Variants in NKAIN1 observed in about 807,000 individuals in gnomAD.
The protein encoded by NKAIN1 is sodium/potassium transporting ATPase interacting 1, also known as sodium/potassium-transporting ATPase subunit beta-1-interacting protein 1.
Under a neutral mutation model 31.6 loss-of-function variants are expected in NKAIN1, and 13 were observed. That is an observed-to-expected ratio of 0.41 (90% CI 0.27 to 0.65). The LOEUF (loss-of-function observed/expected upper bound fraction) is 0.65, where lower values mean the gene tolerates loss of function less well. NKAIN1 is among the 30% of genes least tolerant of loss of function. The pLI is 0.30. For synonymous variants in NKAIN1, 104 were observed against 109.0 expected (o/e 0.95, Z 0.28); for missense variants, 193 against 262.2 (o/e 0.74, Z 1.82).
chr1:31,190,072 T>C (rs753750825), intron 1 of NKAIN1, among the ~76,000 whole-genome samples: 1 of 152,066 alleles, frequency 6.6e-6, no homozygotes, highest in South Asian at 2.1e-4. Context: ...CAACAAAGAG[T>C]CCTAACTACA....
intron 1 of NKAIN1, among the ~76,000 whole-genome samples, chr1:31,193,262 T>C (rs201260296): frequency 6.7e-6 from 1 of 149,714 alleles, no homozygotes. Context: ...TAGAGACGGG[T>C]TTTCACCATG....
intron 1 of NKAIN1, among the ~76,000 whole-genome samples, chr1:31,229,969 C>T (rs1001740878): frequency 6.6e-6 from 1 of 152,142 alleles, no homozygotes; most frequent in African/African-American, 2.4e-5. Context: ...CACGGCTCTC[C>T]CTGCATTATC....
chr1:31,205,200 G>A (rs4949359), intron 1 of NKAIN1, among the ~76,000 whole-genome samples: 108,006 of 151,824 alleles, frequency 0.71, 39,714 homozygotes, highest in Middle Eastern at 0.9. Flanking sequence ...GCTCGATCTC[G>A]GCTCACTGCA....
At chr1:31,200,526 G>C (rs936180753) in intron 1 of NKAIN1, among the ~76,000 whole-genome samples, 22 of 142,884 alleles carry the variant, frequency 1.5e-4, no homozygotes, top group African/African-American at 5.7e-4. Context: ...GGCATGATCC[G>C]GGCTCACTGC....
intron 3 of NKAIN1, 54 bp from the exon 4 acceptor site, chr1:31,184,068 TA>T (rs1244997545): frequency 2.5e-5 from 37 of 1,461,320 alleles, no homozygotes; most frequent in Non-Finnish European, 3.4e-5. Context: ...AGGGGGGAGC[TA>T]CTCCCCCAGC....
chr1:31,239,554 G>C lies in NKAIN1; in HGVS notation c.-7C>G, dbSNP rs1418821688. 7 of 1,246,626 alleles carry C rather than the reference G, an allele frequency of 5.6e-6. No individual in the cohort carries two copies. Among genetic ancestry groups the C allele is most frequent in the Middle Eastern group, 3.1e-4 (1 of 3,228 alleles). The allele number at this position is 1,246,626 out of a possible 1,614,324, so 77.2% of individuals were successfully genotyped here. A position where few individuals can be genotyped will look rare whatever the true frequency, so the allele number is the denominator to read the frequency against. On this transcript the variant is annotated 5_prime_UTR_variant, in exon 1 of 7. Transcript: ENST00000373736. This position sits in a 1 kb window ranked among gnomAD's most constrained non-coding sequence, Gnocchi z 4.8. ...GCCCGCTGCACTTGCCCATGGCTCCGGGGGCTGCGCGGGCCGCACGCCGCG... is the reference window on the plus strand; with the variant it reads ...GCCCGCTGCACTTGCCCATGGCTCCCGGGGCTGCGCGGGCCGCACGCCGCG...
intron 1 of NKAIN1, among the ~76,000 whole-genome samples, chr1:31,217,836 T>C (rs988194717): frequency 4.6e-5 from 7 of 152,036 alleles, no homozygotes; most frequent in African/African-American, 1.7e-4. Context: ...TGTGTACTCA[T>C]CTGTATAAAC....
At chr1:31,196,911 T>C (rs1645331715) in intron 1 of NKAIN1, among the ~76,000 whole-genome samples, 1 of 152,090 alleles carries the variant, frequency 6.6e-6, no homozygotes, top group African/African-American at 2.4e-5. Flanking sequence ...GTGTGCTGGT[T>C]ATTATACAAC....
At chr1:31,229,357 C>T (rs1359970031) in intron 1 of NKAIN1, among the ~76,000 whole-genome samples, 1 of 152,048 alleles carries the variant, frequency 6.6e-6, no homozygotes, top group Non-Finnish European at 1.5e-5. Flanking sequence ...GAGACTTCAT[C>T]TTACAATCAA....
intron 1 of NKAIN1, among the ~76,000 whole-genome samples, chr1:31,225,170 G>T (rs1490708815): frequency 6.7e-6 from 1 of 149,002 alleles, no homozygotes; most frequent in African/African-American, 2.5e-5. Flanking sequence ...TGGGACTACA[G>T]GCACCCGCCA....
At chr1:31,183,002 T>G (rs1645214635) in intron 4 of NKAIN1, among the ~76,000 whole-genome samples, 1 of 152,040 alleles carries the variant, frequency 6.6e-6, no homozygotes, top group African/African-American at 2.4e-5. Flanking sequence ...CTTTCCTTCT[T>G]TCTTTCAGAC....
In NKAIN1 at chr1:31,185,307, G is replaced by C. The variant is rs1226768358; in HGVS notation, c.213C>G (p.Leu71=). Residue 71 remains leucine, a synonymous_variant, in exon 3 of 7, where the codon CTC becomes CTG. Transcript: ENST00000373736. Reference sequence around the variant, plus strand: ...TGATAAATGCATTCCAGCCAACCCAGAGCACCAGCCAGGCTGCATACTGGG... The same window carrying C: ...TGATAAATGCATTCCAGCCAACCCACAGCACCAGCCAGGCTGCATACTGGG... ...YLILYAAWLV[L]WVGWNAFIIC... 4 of 1,610,258 alleles carry C rather than the reference G, an allele frequency of 2.5e-6. No homozygotes were observed. The Admixed American group carries it at 5.0e-5, about 20-fold the overall frequency.
chr1:31,227,150 G>A (rs1200958419), intron 1 of NKAIN1, among the ~76,000 whole-genome samples: 1 of 152,160 alleles, frequency 6.6e-6, no homozygotes, highest in Non-Finnish European at 1.5e-5. Context: ...ACCCCTTTAT[G>A]AGTTCCACTA....
intron 1 of NKAIN1, among the ~76,000 whole-genome samples, chr1:31,220,186 T>G (rs1318778020): frequency 6.6e-6 from 1 of 150,388 alleles, no homozygotes; most frequent in African/African-American, 2.4e-5. Context: ...TTTTTTTTTT[T>G]TTTTTTTTTT....
intron 1 of NKAIN1, among the ~76,000 whole-genome samples, chr1:31,221,077 T>G (rs1267790907): frequency 4.6e-5 from 7 of 152,116 alleles, no homozygotes; most frequent in African/African-American, 1.2e-4. Flanking sequence ...GTGGTGAGCA[T>G]GCGGGAGTAC....
intron 1 of NKAIN1, among the ~76,000 whole-genome samples, chr1:31,218,071 T>TCTTTCTTTATTTC (rs201070152): frequency 7.5e-6 from 1 of 133,616 alleles, no homozygotes; most frequent in African/African-American, 2.8e-5. Context: ...TTTCTTTCTT[T>TCTTTCTTTATTTC]TTTTTTTTTG....
At chr1:31,226,875 G>A (rs967347834) in intron 1 of NKAIN1, among the ~76,000 whole-genome samples, 1 of 152,094 alleles carries the variant, frequency 6.6e-6, no homozygotes, top group Non-Finnish European at 1.5e-5. Context: ...CCGGGCTGGA[G>A]TGCAGTGTTG....
At chr1:31,190,984 C>T (rs1645280044) in intron 1 of NKAIN1, among the ~76,000 whole-genome samples, 1 of 152,184 alleles carries the variant, frequency 6.6e-6, no homozygotes, top group Non-Finnish European at 1.5e-5. Flanking sequence ...GCTGAGGAGG[C>T]ACCCTGCCAA....
intron 1 of NKAIN1, among the ~76,000 whole-genome samples, chr1:31,232,440 G>T (rs1217741004): frequency 4.8e-3 from 386 of 80,508 alleles, no homozygotes; most frequent in East Asian, 6.7e-3. Context: ...GAGAGAGAGA[G>T]AGAGAGAGAG....
Sources: allele counts gnomAD v4.1 joint callset (sites outside exome capture counted in the v4.1 genomes callset), GRCh38; gene constraint gnomAD v4.1.1; non-coding constraint Gnocchi (gnomAD v3.1); transcripts MANE v1.5; gene names NCBI Gene and HGNC (gene_info 2026-07-23, HGNC 2026-07-21).